The following KAZN variants were observed in gnomAD, a reference collection of about 807,000 sequenced individuals.
The protein encoded by KAZN is kazrin, periplakin interacting protein, also known as kazrin.
A neutral mutation model predicts 87.4 loss-of-function variants in KAZN; 40 were observed. The observed-to-expected ratio is 0.46, with a 90% CI of 0.36 to 0.60. The LOEUF is 0.60. KAZN is among the 20% of genes least tolerant of loss of function. The pLI is 0.00. For synonymous variants in KAZN, 466 were observed against 458.3 expected (o/e 1.02, Z -0.22); for missense variants, 898 against 1,073.9 (o/e 0.84, Z 2.29).
chr1:14,982,911 T>C lies in KAZN; in HGVS notation c.418+22036T>C, dbSNP rs575679537. Among the ~76,000 whole-genome samples the C allele has an allele frequency of 2.0e-5, 3 of 152,196 alleles. No individual in the cohort carries two copies. The South Asian group carries it at 6.2e-4, about 32-fold the overall frequency. On this transcript the variant is annotated intron_variant, in intron 2 of 14. Transcript: ENST00000376030. ...CTGACCAAGGAGACAGAGGTCCCCA[T>C]TAGTAAAGGTAGCCCGCACAGGCAT...
chr1:14,092,634 TAC>T (rs949695727), intron 1 of KAZN, among the ~76,000 whole-genome samples: 1 of 151,498 alleles, frequency 6.6e-6, no homozygotes, highest in African/African-American at 2.4e-5. Flanking sequence ...TACACACCCT[TAC>T]ACACACACAC....
chr1:14,391,579 C>T (rs961620384), intron 2 of KAZN: 1 of 152,246 alleles, frequency 6.6e-6, no homozygotes, highest in Non-Finnish European at 1.5e-5. Flanking sequence ...TTGGCACCAC[C>T]TTAAAAATAC....
intron 1 of KAZN, among the ~76,000 whole-genome samples, chr1:14,139,319 TC>T (rs1645182181): frequency 6.6e-6 from 1 of 152,194 alleles, no homozygotes; most frequent in Non-Finnish European, 1.5e-5. Flanking sequence ...GTGTCATCAT[TC>T]CGGCAAAACC....
chr1:13,955,420 C>G (rs1436066774), intron 1 of KAZN, among the ~76,000 whole-genome samples: 2 of 151,840 alleles, frequency 1.3e-5, no homozygotes, highest in East Asian at 3.8e-4. Flanking sequence ...AATAAATGTC[C>G]TTTAAATAAT....
chr1:14,731,781 T>C (rs1222836478), intron 1 of KAZN, among the ~76,000 whole-genome samples: 1 of 152,216 alleles, frequency 6.6e-6, no homozygotes, highest in Non-Finnish European at 1.5e-5. Flanking sequence ...GTCTCAGGTC[T>C]GTTCGGCACC....
At chr1:14,048,723 A>T (rs1642183309) in intron 1 of KAZN, among the ~76,000 whole-genome samples, 1 of 152,196 alleles carries the variant, frequency 6.6e-6, no homozygotes, top group Admixed American at 6.5e-5. Context: ...TTATTTAAAC[A>T]CATTGTCTCC....
intron 1 of KAZN, among the ~76,000 whole-genome samples, chr1:14,679,224 G>A (rs577294327): frequency 6.6e-6 from 1 of 152,176 alleles, no homozygotes; most frequent in Non-Finnish European, 1.5e-5. Flanking sequence ...GGAAGTACCA[G>A]GGTCGGTTAG....
intron 1 of KAZN, among the ~76,000 whole-genome samples, chr1:13,943,179 A>G (rs1641003110): frequency 6.6e-6 from 1 of 152,242 alleles, no homozygotes; most frequent in Admixed American, 6.5e-5. Context: ...CACAAAACTT[A>G]TGAAAATGAA....
intron 2 of KAZN, among the ~76,000 whole-genome samples, chr1:14,342,571 T>C (rs1571343885): frequency 6.6e-6 from 1 of 152,192 alleles, no homozygotes; most frequent in African/African-American, 2.4e-5. Flanking sequence ...AATAAATGAA[T>C]GCTATGAGAT....
chr1:14,269,915 T>G (rs748791131), intron 2 of KAZN, among the ~76,000 whole-genome samples: 98 of 152,328 alleles, frequency 6.4e-4, no homozygotes, highest in Non-Finnish European at 2.1e-4. Flanking sequence ...CTGCTTTGTG[T>G]TGTTGTAACA....
At chr1:15,110,419 G>A (rs539172284) in intron 13 of KAZN, among the ~76,000 whole-genome samples, 5 of 140,922 alleles carry the variant, frequency 3.5e-5, no homozygotes, top group South Asian at 4.5e-4. Context: ...TTGTGTGTGC[G>A]CATATGTGTT....
intron 2 of KAZN, among the ~76,000 whole-genome samples, chr1:14,590,252 G>T (rs901424953): frequency 2.6e-5 from 4 of 152,102 alleles, no homozygotes; most frequent in Non-Finnish European, 5.9e-5. Flanking sequence ...TGAGCCAAAA[G>T]AACTCATTTA....
rs533588598 is a variant in KAZN at position 14,273,088 on chromosome 1, C to T, written c.249+92496C>T. Among the ~76,000 whole-genome samples, 3 of 152,124 alleles carry T rather than the reference C, an allele frequency of 2.0e-5. No individual in the cohort carries two copies. In the South Asian group the frequency reaches 6.2e-4, roughly 32 times the overall value. On this transcript the variant is annotated intron_variant, in intron 2 of 16. Coordinates refer to the KAZN transcript ENST00000636203. Reference sequence around the variant, plus strand: ...ACATTTATTGTTGGGCTGGATGAAACACGGATCAGACTAAGTCTGGCAATG... The same window carrying T: ...ACATTTATTGTTGGGCTGGATGAAATACGGATCAGACTAAGTCTGGCAATG...
intron 1 of KAZN, among the ~76,000 whole-genome samples, chr1:14,718,335 C>T (rs2100265328): frequency 6.6e-6 from 1 of 152,346 alleles, no homozygotes; most frequent in Non-Finnish European, 1.5e-5. Context: ...CTCGGGACTC[C>T]ACTCAGCATT....
chr1:14,945,695 A>G (rs1217465541), intron 1 of KAZN, among the ~76,000 whole-genome samples: 2 of 152,228 alleles, frequency 1.3e-5, no homozygotes, highest in Non-Finnish European at 2.9e-5. Context: ...TGCAAAGCAT[A>G]TTTTATTTCT....
intron 2 of KAZN, among the ~76,000 whole-genome samples, chr1:14,415,669 C>A (rs1265535933): frequency 3.3e-5 from 5 of 152,168 alleles, no homozygotes; most frequent in Admixed American, 2.0e-4. Context: ...CATGCAGAGG[C>A]TTGTGCTGTG....
intron 2 of KAZN, among the ~76,000 whole-genome samples, chr1:15,025,190 T>A (rs1048163500): frequency 6.6e-6 from 1 of 152,154 alleles, no homozygotes; most frequent in African/African-American, 2.4e-5. Context: ...GGAGTGGACA[T>A]GAAAATAAGT....
chr1:14,343,865 C>T (rs1000210685), intron 2 of KAZN, among the ~76,000 whole-genome samples: 3 of 152,182 alleles, frequency 2.0e-5, no homozygotes, highest in African/African-American at 7.2e-5. Context: ...CAATTAAAAA[C>T]ACATTGCAAC....
intron 2 of KAZN, among the ~76,000 whole-genome samples, chr1:14,498,148 A>G (rs1670049196): frequency 6.6e-6 from 1 of 152,152 alleles, no homozygotes; most frequent in African/African-American, 2.4e-5. Context: ...CTTTCACATT[A>G]CCATAGCACC....
Sources: allele counts gnomAD v4.1 joint callset (sites outside exome capture counted in the v4.1 genomes callset), GRCh38; gene constraint gnomAD v4.1.1; transcripts MANE v1.5; gene names NCBI Gene and HGNC (gene_info 2026-07-23, HGNC 2026-07-21).